The following PKHD1 variants were observed in gnomAD, a reference collection of about 807,000 sequenced individuals.
PKHD1 encodes PKHD1 ciliary IPT domain containing fibrocystin/polyductin.
In PKHD1, 291 loss-of-function variants were observed where a neutral mutation model predicts 412.0. The ratio of observed to expected loss-of-function variants is 0.71; its 90% CI spans 0.64 to 0.78. The LOEUF is 0.78. Ranked by LOEUF, PKHD1 falls within the 30% of genes least tolerant of loss-of-function variation. The pLI is 0.00. For missense variants in PKHD1, 4,825 were observed against 4,950.7 expected, an observed-to-expected ratio of 0.97 and a Z score of 0.76; for synonymous variants, 1,777 against 1,821.5, an observed-to-expected ratio of 0.98 and a Z score of 0.62.
intron 63 of PKHD1, among the ~76,000 whole-genome samples, chr6:51,639,946 G>A (rs1400833280): frequency 6.6e-6 from 1 of 152,132 alleles, no homozygotes; most frequent in Non-Finnish European, 1.5e-5. Flanking sequence ...ATTTTGCAGA[G>A]CTAACTAAAA....
At chr6:51,939,140 G>T (rs1788027394) in intron 36 of PKHD1, among the ~76,000 whole-genome samples, 2 of 151,268 alleles carry the variant, frequency 1.3e-5, no homozygotes, top group South Asian at 4.2e-4. Context: ...AGCAAGTACT[G>T]CTTTTCTGGG....
intron 52 of PKHD1, among the ~76,000 whole-genome samples, chr6:51,825,369 A>T (rs1767131571): frequency 6.6e-6 from 1 of 152,308 alleles, no homozygotes. Flanking sequence ...GCTTCCACAC[A>T]GGTCTCTTGG....
At chr6:51,655,717 T>C (rs1342424482) in intron 61 of PKHD1, among the ~76,000 whole-genome samples, 9 of 152,096 alleles carry the variant, frequency 5.9e-5, no homozygotes, top group Non-Finnish European at 8.8e-5. Context: ...AGAGTTCACT[T>C]CCAAACAGGT....
chr6:51,749,795 C>T (rs1357007822), intron 57 of PKHD1, among the ~76,000 whole-genome samples: 1 of 152,136 alleles, frequency 6.6e-6, no homozygotes, highest in Admixed American at 6.6e-5. Context: ...CTTTGTGGTA[C>T]AAAAGTAGCA....
At chr6:51,980,142 C>T (rs923664273) in intron 35 of PKHD1, among the ~76,000 whole-genome samples, 1 of 152,182 alleles carries the variant, frequency 6.6e-6, no homozygotes, top group African/African-American at 2.4e-5. Flanking sequence ...CATTTATTAC[C>T]CGTATGTAAC....
intron 35 of PKHD1, among the ~76,000 whole-genome samples, chr6:51,998,517 T>G (rs1797969693): frequency 6.6e-6 from 1 of 152,228 alleles, no homozygotes; most frequent in Admixed American, 6.5e-5. Flanking sequence ...CTTCAAAATA[T>G]TCCAAGTTAT....
chr6:51,791,292 C>T lies in PKHD1; in HGVS notation c.8384G>A (p.Arg2795Lys), dbSNP rs778988946. The change falls in exon 53 of 67, where the codon AGA becomes AAA. Residue 2795 changes from arginine to lysine, a missense_variant. Transcript: ENST00000371117. ...GCATGCCACACTCAGAACATTGCTT[C>T]TGTCCACAGGGAAGTCTAAGGTCCC... is the stretch of plus-strand genomic sequence containing the variant. ...VMGTLDFPVD[R>K]SNVLSVACMV... 2 of 1,613,850 alleles carry T rather than the reference C, an allele frequency of 1.2e-6. No homozygotes were observed. The highest frequency in any genetic ancestry group is 2.7e-5 in the African/African-American group (2 of 74,916).
intron 1 of PKHD1, among the ~76,000 whole-genome samples, chr6:52,086,252 A>C (rs1479966398): frequency 6.6e-6 from 1 of 151,384 alleles, no homozygotes; most frequent in Non-Finnish European, 1.5e-5. Context: ...CTGGGATTAC[A>C]GGTGTGCGCC....
intron 60 of PKHD1, among the ~76,000 whole-genome samples, chr6:51,716,694 T>C (rs1271857703): frequency 1.3e-5 from 2 of 152,050 alleles, no homozygotes; most frequent in Non-Finnish European, 2.9e-5. Context: ...GGATTGGTCC[T>C]GAAGTGGGTG....
intron 45 of PKHD1, 86 bp downstream of exon 45, chr6:51,885,781 T>C: frequency 1.2e-6 from 1 of 847,114 alleles, no homozygotes; most frequent in East Asian, 2.6e-5. Context: ...TTTAAGTAGA[T>C]ATGCATAATG....
At chr6:52,019,254 C>T (rs1801035045) in intron 33 of PKHD1, among the ~76,000 whole-genome samples, 1 of 152,228 alleles carries the variant, frequency 6.6e-6, no homozygotes, top group African/African-American at 2.4e-5. Context: ...GGGCTTAGAC[C>T]TGTGCTTCCC....
chr6:52,015,147 A>G (rs1800364735), intron 34 of PKHD1, among the ~76,000 whole-genome samples: 1 of 152,226 alleles, frequency 6.6e-6, no homozygotes, highest in African/African-American at 2.4e-5. Flanking sequence ...TCAATATATT[A>G]TAAATATTTC....
At chr6:51,987,150 G>A (rs144570064) in intron 35 of PKHD1, among the ~76,000 whole-genome samples, 86 of 152,352 alleles carry the variant, frequency 5.6e-4, no homozygotes, top group South Asian at 1.2e-3. Flanking sequence ...TGAGGGCACA[G>A]CAGAATCTCA....
At chr6:52,000,389 A>T (rs958906924) in intron 35 of PKHD1, among the ~76,000 whole-genome samples, 1 of 152,216 alleles carries the variant, frequency 6.6e-6, no homozygotes, top group African/African-American at 2.4e-5. Context: ...CTAAAGTTTC[A>T]TATTTGGAAA....
At chr6:51,889,089 T>G (rs1223119314) in intron 43 of PKHD1, among the ~76,000 whole-genome samples, 1 of 151,010 alleles carries the variant, frequency 6.6e-6, no homozygotes, top group African/African-American at 2.4e-5. Context: ...ATGAAGGGAG[T>G]CTCCAAGGCT....
At chr6:51,903,842 TA>T in intron 42 of PKHD1, 115 bp from the exon 43 acceptor site, 1 of 356,892 alleles carries the variant, frequency 2.8e-6, no homozygotes, top group Non-Finnish European at 4.9e-6. Context: ...CATATATATA[TA>T]TATATATATA....
chr6:51,791,662 C>A (rs1016421263), intron 52 of PKHD1, among the ~76,000 whole-genome samples: 2 of 152,200 alleles, frequency 1.3e-5, no homozygotes, highest in Admixed American at 1.3e-4. Context: ...ACACACAGAT[C>A]GAATGAGCTC....
intron 31 of PKHD1, 81 bp downstream of exon 31, chr6:52,027,748 A>T: frequency 9.0e-7 from 1 of 1,110,496 alleles, no homozygotes; most frequent in Non-Finnish European, 1.4e-6. Context: ...CTCACTGGCA[A>T]ATTAATCCAG....
At position 51,812,524 on chromosome 6, in the gene PKHD1, T is replaced by C. The variant is rs184032206; in HGVS notation, c.8302+18337A>G. Among the ~76,000 whole-genome samples the C allele has an allele frequency of 1.1e-3, 161 of 152,262 alleles. 1 individual carries two copies. In the South Asian group the frequency reaches 0.015, roughly 14 times the overall value. ...CAGCATTAACATTAAAACAGAGATA[T>C]TAAAACTGACAAACAGACTATTTTG... On this transcript the variant is annotated intron_variant, in intron 52 of 66. Transcript: ENST00000371117.
Sources: allele counts gnomAD v4.1 joint callset (sites outside exome capture counted in the v4.1 genomes callset), GRCh38; gene constraint gnomAD v4.1.1; transcripts MANE v1.5; gene names NCBI Gene and HGNC (gene_info 2026-07-23, HGNC 2026-07-21).